ZNF652: variants seen among roughly 807,000 people sequenced by gnomAD.
ZNF652 encodes zinc finger protein 652.
A neutral mutation model predicts 45.2 loss-of-function variants in ZNF652; 16 were observed. The ratio of observed to expected loss-of-function variants is 0.35; its 90% CI spans 0.24 to 0.54. The LOEUF (loss-of-function observed/expected upper bound fraction) is 0.54, where lower values mean the gene tolerates loss of function less well. Among genes scored for constraint, ZNF652 ranks in the 20% least tolerant of loss-of-function variants. ZNF652 has a pLI of 0.91. For missense variants in ZNF652, 614 were observed against 765.6 expected, an observed-to-expected ratio of 0.80 and a Z score of 2.34; for synonymous variants, 250 against 260.6, an observed-to-expected ratio of 0.96 and a Z score of 0.39.
intron 1 of ZNF652, among the ~76,000 whole-genome samples, chr17:49,338,349 T>C (rs2070108158): frequency 6.6e-6 from 1 of 152,082 alleles, no homozygotes; most frequent in South Asian, 2.1e-4. Context: ...TGTCACCTTG[T>C]CTGGATGTGA....
In ZNF652 at chr17:49,292,513, A is replaced by G. The variant is rs1185555583; in HGVS notation, c.*5900T>C. Among the ~76,000 whole-genome samples the G allele has an allele frequency of 1.3e-5, 2 of 152,190 alleles. No homozygotes were observed. The highest frequency in any genetic ancestry group is 4.8e-5 in the African/African-American group (2 of 41,442). ...GCAGAAACCCAGGGAGCAATTTTAAATTAATTTGACTAAAATAAAGAGTAT... is the reference window on the plus strand; with the variant it reads ...GCAGAAACCCAGGGAGCAATTTTAAGTTAATTTGACTAAAATAAAGAGTAT... On this transcript the variant is annotated 3_prime_UTR_variant, in exon 6 of 6. Coordinates refer to ENST00000430262, the MANE Select transcript of ZNF652 (RefSeq NM_001145365.3).
chr17:49,321,789 T>A (rs1253570654), intron 1 of ZNF652, among the ~76,000 whole-genome samples: 1 of 152,162 alleles, frequency 6.6e-6, no homozygotes, highest in Non-Finnish European at 1.5e-5. Context: ...GATCAAATGA[T>A]CAGTGAAACT....
intron 1 of ZNF652, among the ~76,000 whole-genome samples, chr17:49,327,804 G>T: frequency 1.5e-5 from 2 of 131,900 alleles, no homozygotes; most frequent in Non-Finnish European, 3.1e-5. Flanking sequence ...TTTTAGTAGA[G>T]ATAGGGTTTC....
In ZNF652 at chr17:49,295,704, C is replaced by T. The variant is rs2069463673; in HGVS notation, c.*2709G>A. The T allele has an allele frequency of 6.6e-6, 1 of 152,010 alleles. No individual in the cohort carries two copies. Among genetic ancestry groups the T allele is most frequent in the Non-Finnish European group, 1.5e-5 (1 of 68,012 alleles). 9.4% of individuals were successfully genotyped at this position (152,010 alleles called of 1,614,324 possible). ...CCTGTAATCCCAGCACTTTCGGAGG[C>T]TGAGGTGGGCGGATCACAAGGTCAG... On this transcript the variant is annotated 3_prime_UTR_variant, in exon 6 of 6. Coordinates refer to ENST00000430262, the MANE Select transcript of ZNF652 (RefSeq NM_001145365.3).
rs200366279 is a variant in ZNF652 at position 49,295,417 on chromosome 17, AATATAT to A, written c.*2990_*2995del. ...TATGACAATGCTAATTTTTAAAAAT[AATATAT>A]ATATATATTTTTGTTTCTGTTAAGG... On this transcript the variant is annotated 3_prime_UTR_variant, in exon 6 of 6. Coordinates refer to ENST00000430262, the MANE Select transcript of ZNF652 (RefSeq NM_001145365.3). The A allele has an allele frequency of 2.4e-5, 3 of 127,334 alleles. No individual in the cohort carries two copies. The highest frequency in any genetic ancestry group is 1.8e-4 in the Admixed American group (2 of 11,168). 7.9% of individuals were successfully genotyped at this position (127,334 alleles called of 1,614,324 possible).
At chr17:49,351,025 A>ATATATG (rs2070275750) in intron 1 of ZNF652, among the ~76,000 whole-genome samples, 1 of 85,862 alleles carries the variant, frequency 1.2e-5, no homozygotes, top group Non-Finnish European at 2.2e-5. Flanking sequence ...ACACACACAC[A>ATATATG]CACACACACA....
intron 1 of ZNF652, among the ~76,000 whole-genome samples, chr17:49,345,563 C>T (rs953611567): frequency 1.3e-5 from 2 of 149,374 alleles, no homozygotes; most frequent in Non-Finnish European, 3.0e-5. Flanking sequence ...TGAAGTAGGC[C>T]GGGCGTGGTG....
rs68056731 is a variant in ZNF652, at chr17:49,327,730, AATATATATATATATATATATATAT to A, written c.-258-9771_-258-9748del. Among the ~76,000 whole-genome samples the A allele has an allele frequency of 6.5e-4, 40 of 61,422 alleles. 3 individuals are homozygous for A. The East Asian group carries it at 0.014, about 22-fold the overall frequency. The allele number at this position is 61,422 out of a possible 152,430, so 40.3% of individuals were successfully genotyped here. A position where few individuals can be genotyped will look rare whatever the true frequency, so the allele number is the denominator to read the frequency against. ...CCTCGTGTCTACTTTTAAATAAATA[AATATATATATATATATATATATAT>A]ATATATATATATATATATATATATA... On this transcript the variant is annotated intron_variant, in intron 1 of 5. Transcript: ENST00000430262.
rs562081829 is a variant in ZNF652, at chr17:49,357,412, T to C, written c.-259+4497A>G. On this transcript the variant is annotated intron_variant, in intron 1 of 5. Coordinates refer to ENST00000430262, the MANE Select transcript of ZNF652 (RefSeq NM_001145365.3). Reference sequence around the variant, plus strand: ...GGCCTAAAGCAGAGTTCATAAAATCTGACAGGTAAAGACACTCTACTTTTC... The same window carrying C: ...GGCCTAAAGCAGAGTTCATAAAATCCGACAGGTAAAGACACTCTACTTTTC... Among the ~76,000 whole-genome samples, 515 of 152,302 alleles carry C rather than the reference T, an allele frequency of 3.4e-3. 3 individuals carry two copies. The highest frequency in any genetic ancestry group is 6.0e-3 in the Admixed American group (92 of 15,286).
chr17:49,327,480 T>C (rs934877005), intron 1 of ZNF652, among the ~76,000 whole-genome samples: 3 of 151,734 alleles, frequency 2.0e-5, no homozygotes, highest in African/African-American at 7.3e-5. Flanking sequence ...ATATTTATCA[T>C]ATAATTGTTA....
In ZNF652 at chr17:49,333,348, C is replaced by T. The variant is rs562755077; in HGVS notation, c.-258-15365G>A. ...CTGGGATTACAGGCATGAGCCACTG[C>T]ACCCGGCCAAAATGAAATAATTTAA... On this transcript the variant is annotated intron_variant, in intron 1 of 5. Transcript: ENST00000430262. Among the ~76,000 whole-genome samples, 7 of 150,416 alleles carry T rather than the reference C, an allele frequency of 4.7e-5. No homozygotes were observed. In the South Asian group the frequency reaches 1.3e-3, roughly 27 times the overall value.
intron 1 of ZNF652, among the ~76,000 whole-genome samples, chr17:49,319,235 T>C (rs547901023): frequency 2.0e-5 from 3 of 152,290 alleles, no homozygotes; most frequent in East Asian, 1.9e-4. Flanking sequence ...GAAATGAGTA[T>C]TTATTAAATG....
intron 5 of ZNF652, 93 bp downstream of exon 5, chr17:49,311,219 T>C (rs2069706917): frequency 2.2e-6 from 3 of 1,358,492 alleles, no homozygotes; most frequent in South Asian, 1.6e-5. Context: ...TGAATGCAAA[T>C]TTGTGGTTTT....
chr17:49,310,110 T>C (rs1006191672), intron 5 of ZNF652, among the ~76,000 whole-genome samples: 1 of 152,148 alleles, frequency 6.6e-6, no homozygotes, highest in African/African-American at 2.4e-5. Context: ...CCCACCACCA[T>C]GCCCGGCTAA....
At chr17:49,319,581 T>C (rs917392581) in intron 1 of ZNF652, among the ~76,000 whole-genome samples, 2 of 136,100 alleles carry the variant, frequency 1.5e-5, no homozygotes, top group East Asian at 2.2e-4. Flanking sequence ...TGTAATGAGC[T>C]GAGATCGCGC....
At chr17:49,301,490 G>A (rs2069552093) in intron 5 of ZNF652, among the ~76,000 whole-genome samples, 1 of 151,968 alleles carries the variant, frequency 6.6e-6, no homozygotes, top group Non-Finnish European at 1.5e-5. Flanking sequence ...TAGAGATGGG[G>A]TTTCACCATG....
chr17:49,357,687 C>T (rs1157595960), intron 1 of ZNF652, among the ~76,000 whole-genome samples: 1 of 152,184 alleles, frequency 6.6e-6, no homozygotes, highest in African/African-American at 2.4e-5. Flanking sequence ...AGGCTTTGCA[C>T]GTGATTCAAC....
At chr17:49,302,692 T>G (rs192794477) in intron 5 of ZNF652, among the ~76,000 whole-genome samples, 259 of 152,236 alleles carry the variant, frequency 1.7e-3, no homozygotes, top group African/African-American at 6.0e-3. Context: ...ACGGGTGTGG[T>G]GGCTCATGCC....
chr17:49,347,200 A>C (rs2070213677), intron 1 of ZNF652, among the ~76,000 whole-genome samples: 2 of 152,236 alleles, frequency 1.3e-5, no homozygotes, highest in Admixed American at 1.3e-4. Context: ...ACCCTAAGGA[A>C]ACTAAACAGT....
Sources: allele counts gnomAD v4.1 joint callset (sites outside exome capture counted in the v4.1 genomes callset), GRCh38; gene constraint gnomAD v4.1.1; transcripts MANE v1.5; gene names NCBI Gene and HGNC (gene_info 2026-07-23, HGNC 2026-07-21).